Variants in CALN1 observed in about 807,000 individuals in gnomAD.
CALN1 encodes calcium-binding protein 8.
CALN1 carries 17 observed loss-of-function variants against 30.6 expected under a neutral mutation model. That is an observed-to-expected ratio of 0.56 (90% confidence interval 0.38 to 0.83). The LOEUF (loss-of-function observed/expected upper bound fraction) is 0.83. CALN1 is among the 40% of genes least tolerant of loss of function. The pLI, the probability that CALN1 is intolerant of heterozygous loss-of-function variation, is 0.00. For missense variants in CALN1, 291 were observed against 354.9 expected (o/e 0.82, Z 1.45); for synonymous variants, 156 against 131.4 (o/e 1.19, Z -1.28).
upstream of CALN1, among the ~76,000 whole-genome samples, chr7:72,416,353 A>C (rs1349869320): frequency 6.6e-6 from 1 of 152,232 alleles, no homozygotes; most frequent in Non-Finnish European, 1.5e-5. Context: ...CCTGCTCTGC[A>C]GGAGTAGTCA....
intron 5 of CALN1, among the ~76,000 whole-genome samples, chr7:71,880,475 C>A (rs572742626): frequency 6.6e-6 from 1 of 152,112 alleles, no homozygotes; most frequent in South Asian, 2.1e-4. Flanking sequence ...TCCTTCCCTT[C>A]CCCTCTCTTG....
At chr7:72,110,593 CGT>C (rs909786726) in intron 3 of CALN1, among the ~76,000 whole-genome samples, 2 of 151,006 alleles carry the variant, frequency 1.3e-5, no homozygotes, top group Non-Finnish European at 2.9e-5. Context: ...GTAGAGAATT[CGT>C]GTGTGTGTCT....
At chr7:72,362,052 C>CA (rs1359959657) in intron 2 of CALN1, among the ~76,000 whole-genome samples, 1 of 152,070 alleles carries the variant, frequency 6.6e-6, no homozygotes, top group African/African-American at 2.4e-5. Flanking sequence ...TGGTAAATAG[C>CA]ATATATTGTG....
chr7:71,872,906 G>A lies in CALN1; in HGVS notation c.502-62414C>T, dbSNP rs562934160. On this transcript the variant is annotated intron_variant, in intron 5 of 6. Transcript: ENST00000395275. The stretch of plus-strand genomic sequence containing the variant: ...TGAGATTACAAGCATGAGCCACGGC[G>A]CCCGGCCGTGCTTTATTTTTCCATG... Among the ~76,000 whole-genome samples, 4 of 151,844 alleles carry A rather than the reference G, an allele frequency of 2.6e-5. No individual in the cohort carries two copies. The East Asian group carries it at 5.8e-4, about 22-fold the overall frequency.
intron 2 of CALN1, among the ~76,000 whole-genome samples, chr7:72,381,696 G>A (rs1249380653): frequency 6.6e-6 from 1 of 152,154 alleles, no homozygotes; most frequent in Non-Finnish European, 1.5e-5. Context: ...ACTGGGGCCT[G>A]TCAGGGGCAT....
intron 5 of CALN1, among the ~76,000 whole-genome samples, chr7:71,867,670 T>C (rs1469882735): frequency 6.6e-6 from 1 of 152,122 alleles, no homozygotes; most frequent in Non-Finnish European, 1.5e-5. Context: ...TTCGACCTCG[T>C]GATCTGCCCA....
chr7:72,361,238 C>A (rs778794692), intron 2 of CALN1, among the ~76,000 whole-genome samples: 1 of 152,152 alleles, frequency 6.6e-6, no homozygotes, highest in Non-Finnish European at 1.5e-5. Flanking sequence ...TGGATTTCCC[C>A]AGATCCAAAG....
intron 4 of CALN1, among the ~76,000 whole-genome samples, chr7:72,054,448 C>CGTAT (rs1238994924): frequency 2.0e-5 from 2 of 102,258 alleles, no homozygotes; most frequent in African/African-American, 8.3e-5. Context: ...TATATATATA[C>CGTAT]ATATATATAC....
At chr7:72,168,326 A>G (rs1465535652) in intron 3 of CALN1, among the ~76,000 whole-genome samples, 1 of 152,198 alleles carries the variant, frequency 6.6e-6, no homozygotes, top group African/African-American at 2.4e-5. Flanking sequence ...TAGGGTGGAG[A>G]ATCAAAGGTT....
intron 5 of CALN1, among the ~76,000 whole-genome samples, chr7:71,872,831 C>T (rs1207922807): frequency 6.6e-6 from 1 of 150,746 alleles, no homozygotes; most frequent in Non-Finnish European, 1.5e-5. Flanking sequence ...CCAGGCTGAC[C>T]TCGAACTCTT....
At chr7:71,960,178 T>A (rs922247427) in intron 5 of CALN1, among the ~76,000 whole-genome samples, 1 of 77,964 alleles carries the variant, frequency 1.3e-5, no homozygotes, top group African/African-American at 4.8e-5. Flanking sequence ...AATAAATAAA[T>A]AAATAAAATA....
rs142057662 is a variant in CALN1 at position 72,087,278 on chromosome 7, C to A, written c.388+18873G>T. Among the ~76,000 whole-genome samples, 641 of 152,242 alleles carry A rather than the reference C, an allele frequency of 4.2e-3. 5 individuals are homozygous for A. The highest frequency in any genetic ancestry group is 0.014 in the African/African-American group (583 of 41,544). Reference sequence around the variant, plus strand: ...AACCTCAGGGAGCATTTTGTTACTACAAGAAATGCCTTTGGGAGGCCAAGG... The same window carrying A: ...AACCTCAGGGAGCATTTTGTTACTAAAAGAAATGCCTTTGGGAGGCCAAGG... On this transcript the variant is annotated intron_variant, in intron 4 of 6. Coordinates refer to ENST00000395275, the MANE Select transcript of CALN1 (RefSeq NM_031468.4).
intron 4 of CALN1, among the ~76,000 whole-genome samples, chr7:72,054,407 A>ATATATACGTATATATATACACG (rs1554425361): frequency 5.4e-5 from 5 of 92,012 alleles, no homozygotes; most frequent in African/African-American, 2.2e-4. Flanking sequence ...ATGTACATAT[A>ATATATACGTATATATATACACG]TATATATATA....
At position 72,357,946 on chromosome 7, in the gene CALN1, T is replaced by C. The variant is rs1445210653; in HGVS notation, c.119+45305A>G. Among the ~76,000 whole-genome samples the C allele has an allele frequency of 9.9e-5, 15 of 151,170 alleles. No homozygotes were observed. The South Asian group carries it at 1.9e-3, about 19-fold the overall frequency. Reference sequence around the variant, plus strand: ...CAGCCTCCTGAGTAGCTAGGATTACTGGCACACACCACCATGCCTGGCTAA... The same window carrying C: ...CAGCCTCCTGAGTAGCTAGGATTACCGGCACACACCACCATGCCTGGCTAA... On this transcript the variant is annotated intron_variant, in intron 2 of 6. Transcript: ENST00000395275.
chr7:71,851,208 A>AACACACACAC lies in CALN1; in HGVS notation c.502-40726_502-40717dup, dbSNP rs56041427. Among the ~76,000 whole-genome samples, 1,249 of 132,146 alleles carry AACACACACAC rather than the reference A, an allele frequency of 9.5e-3. 14 individuals are homozygous for AACACACACAC. Among genetic ancestry groups the AACACACACAC allele is most frequent in the African/African-American group, 0.011 (382 of 34,740 alleles). The allele number at this position is 132,146 out of a possible 152,430, so 86.7% of individuals were successfully genotyped here. On this transcript the variant is annotated intron_variant, in intron 5 of 6. Transcript: ENST00000395275. The stretch of plus-strand genomic sequence containing the variant: ...GGCGACAGAGAGAGACCTTGTCTCA[A>AACACACACAC]ACACACACACACACACACACACACA...
At chr7:72,121,480 TTA>T (rs1206024717) in intron 3 of CALN1, among the ~76,000 whole-genome samples, 1 of 147,500 alleles carries the variant, frequency 6.8e-6, no homozygotes, top group East Asian at 1.9e-4. Flanking sequence ...AGATATATAA[TTA>T]TGTTATTTAT....
At chr7:71,834,341 T>A (rs1584328957) in intron 5 of CALN1, among the ~76,000 whole-genome samples, 2 of 96,430 alleles carry the variant, frequency 2.1e-5, no homozygotes, top group East Asian at 2.9e-4. Context: ...GTAATTACGA[T>A]CCACCCTAAA....
intron 5 of CALN1, among the ~76,000 whole-genome samples, chr7:71,939,113 T>C (rs1282307293): frequency 1.3e-5 from 2 of 152,096 alleles, no homozygotes; most frequent in Admixed American, 1.3e-4. Context: ...AGCATGCATT[T>C]TAAGCTTCTT....
chr7:71,936,328 C>T (rs1362782509), intron 5 of CALN1, among the ~76,000 whole-genome samples: 1 of 150,232 alleles, frequency 6.7e-6, no homozygotes, highest in Non-Finnish European at 1.5e-5. Context: ...GAAACCCCAT[C>T]TCTACTAAAA....
Sources: allele counts gnomAD v4.1 joint callset (sites outside exome capture counted in the v4.1 genomes callset), GRCh38; gene constraint gnomAD v4.1.1; transcripts MANE v1.5; gene names NCBI Gene and HGNC (gene_info 2026-07-23, HGNC 2026-07-21).